Variants in EEFSEC observed in about 807,000 individuals in gnomAD.
EEFSEC encodes the protein eukaryotic elongation factor, selenocysteine-tRNA specific.
A neutral mutation model predicts 42.1 loss-of-function variants in EEFSEC; 43 were observed. The ratio of observed to expected loss-of-function variants is 1.02; its 90% CI spans 0.80 to 1.32. The LOEUF (loss-of-function observed/expected upper bound fraction) is 1.32. Ranked by LOEUF, EEFSEC falls within the 40% of genes most tolerant of loss-of-function variation. The pLI is 0.00. For missense variants in EEFSEC, 745 were observed against 803.6 expected (o/e 0.93, Z 0.88); for synonymous variants, 354 against 339.1 (o/e 1.04, Z -0.48).
At chr3:128,407,959 C>G in intron 6 of EEFSEC, 110 bp from the exon 7 acceptor site, 1 of 1,066,038 alleles carries the variant, frequency 9.4e-7, no homozygotes, top group Non-Finnish European at 1.3e-6. Context: ...GGCTGATTGG[C>G]TAGGGAGGGA....
At chr3:128,308,950 T>C (rs2066861243) in intron 4 of EEFSEC, among the ~76,000 whole-genome samples, 1 of 152,190 alleles carries the variant, frequency 6.6e-6, no homozygotes, top group Non-Finnish European at 1.5e-5. Context: ...GGTGTGTTTG[T>C]TTTGTTTTGT....
chr3:128,160,948 G>T (rs997871804), intron 1 of EEFSEC, among the ~76,000 whole-genome samples: 3 of 152,170 alleles, frequency 2.0e-5, no homozygotes, highest in Admixed American at 6.5e-5. Context: ...TTTAGTGCTT[G>T]TCTGTATGCT....
At chr3:128,201,265 A>G (rs547187686) in intron 1 of EEFSEC, among the ~76,000 whole-genome samples, 1 of 152,164 alleles carries the variant, frequency 6.6e-6, no homozygotes, top group African/African-American at 2.4e-5. Flanking sequence ...CATGCTCTCT[A>G]ATTGCTCTAC....
chr3:128,182,401 A>G (rs1337983570), intron 1 of EEFSEC, among the ~76,000 whole-genome samples: 1 of 152,114 alleles, frequency 6.6e-6, no homozygotes, highest in African/African-American at 2.4e-5. Context: ...ATATATGTAC[A>G]TGATAGAAAA....
At chr3:128,294,067 T>C (rs1398706923) in intron 4 of EEFSEC, among the ~76,000 whole-genome samples, 3 of 152,226 alleles carry the variant, frequency 2.0e-5, no homozygotes, top group Admixed American at 2.0e-4. Flanking sequence ...CCTTGGCCCC[T>C]CAGAGATCCA....
chr3:128,242,244 A>G (rs561654020), intron 1 of EEFSEC, among the ~76,000 whole-genome samples: 2 of 152,118 alleles, frequency 1.3e-5, no homozygotes, highest in African/African-American at 4.8e-5. Context: ...GTTTGAGCCC[A>G]GGAATTCAAG....
chr3:128,379,711 T>A (rs1456204088), intron 6 of EEFSEC, among the ~76,000 whole-genome samples: 5 of 152,144 alleles, frequency 3.3e-5, no homozygotes, highest in African/African-American at 1.2e-4. Context: ...GATCTGGGAA[T>A]GATTGAGAAG....
At chr3:128,348,281 T>TGTGTGTGTGC (rs2067340580) in intron 5 of EEFSEC, among the ~76,000 whole-genome samples, 21 of 150,960 alleles carry the variant, frequency 1.4e-4, no homozygotes, top group Middle Eastern at 6.8e-3. Flanking sequence ...CGTGTGCGTG[T>TGTGTGTGTGC]GTGTGTGTGT....
At chr3:128,193,611 A>G (rs973063951) in intron 1 of EEFSEC, among the ~76,000 whole-genome samples, 1 of 152,210 alleles carries the variant, frequency 6.6e-6, no homozygotes, top group African/African-American at 2.4e-5. Flanking sequence ...TGTAGCAGCC[A>G]CCATACCTAT....
chr3:128,348,709 T>C (rs1451195961), intron 5 of EEFSEC, among the ~76,000 whole-genome samples: 5 of 152,122 alleles, frequency 3.3e-5, no homozygotes, highest in Non-Finnish European at 5.9e-5. Flanking sequence ...ATTAGGTAAA[T>C]AGTAGGTCGG....
intron 6 of EEFSEC, among the ~76,000 whole-genome samples, chr3:128,399,112 A>AT (rs2068018495): frequency 6.6e-6 from 1 of 150,904 alleles, no homozygotes; most frequent in African/African-American, 2.5e-5. Flanking sequence ...ATAAAATAAA[A>AT]AAAAACCCTT....
intron 1 of EEFSEC, among the ~76,000 whole-genome samples, chr3:128,164,107 TA>T (rs2065221256): frequency 6.6e-6 from 1 of 152,178 alleles, no homozygotes; most frequent in African/African-American, 2.4e-5. Flanking sequence ...TTTGGGCTGG[TA>T]GGCCTTGTTT....
intron 4 of EEFSEC, among the ~76,000 whole-genome samples, chr3:128,325,921 G>C (rs2067058910): frequency 6.6e-6 from 1 of 152,198 alleles, no homozygotes; most frequent in South Asian, 2.1e-4. Context: ...CCTAAATAAG[G>C]TGAATATTTT....
chr3:128,358,127 C>T (rs1206855310), intron 5 of EEFSEC, 90 bp from the exon 6 acceptor site: 3 of 1,530,566 alleles, frequency 2.0e-6, no homozygotes, highest in East Asian at 2.3e-5. Flanking sequence ...ATGCCTAGGG[C>T]CCGGGAGAGC....
chr3:128,169,438 G>A (rs111864882), intron 1 of EEFSEC, among the ~76,000 whole-genome samples: 7 of 152,324 alleles, frequency 4.6e-5, no homozygotes, highest in African/African-American at 1.4e-4. Flanking sequence ...AAAGATAAGC[G>A]TGGCACATCC....
intron 1 of EEFSEC, among the ~76,000 whole-genome samples, chr3:128,171,417 T>A (rs2065295570): frequency 6.6e-6 from 1 of 152,174 alleles, no homozygotes; most frequent in African/African-American, 2.4e-5. Flanking sequence ...TTAAAAAGTG[T>A]TGCAAAAGCA....
intron 6 of EEFSEC, among the ~76,000 whole-genome samples, chr3:128,376,479 C>T (rs1490151305): frequency 6.6e-6 from 1 of 152,152 alleles, no homozygotes; most frequent in Non-Finnish European, 1.5e-5. Context: ...CAGAGGTGAG[C>T]TTCTCTAGGC....
chr3:128,341,707 A>G lies in EEFSEC; in HGVS notation c.1261A>G (p.Thr421Ala), dbSNP rs1435605163. The change falls in exon 5 of 7, where the codon ACC becomes GCC. Residue 421 changes from threonine (T) to alanine (A), a missense_variant. By Grantham distance (58) the Thr-to-Ala change is moderately conservative. Coordinates refer to ENST00000254730, the MANE Select transcript of EEFSEC (RefSeq NM_021937.5). ...WALVEFEKPV[T>A]CPRLCLVIGS... ...CCTGGTGGAGTTTGAGAAGCCCGTC[A>G]CCTGCCCTCGGCTGTGCCTGGTGAT... 1 of 1,614,110 alleles carries G rather than the reference A, an allele frequency of 6.2e-7. No individual in the cohort carries two copies. The highest frequency in any genetic ancestry group is 1.1e-5 in the South Asian group (1 of 91,084).
At chr3:128,309,644 A>T (rs2066869529) in intron 4 of EEFSEC, among the ~76,000 whole-genome samples, 2 of 152,346 alleles carry the variant, frequency 1.3e-5, no homozygotes, top group South Asian at 2.1e-4. Context: ...ATGCTGGCAG[A>T]GGGTGAAAGC....
Sources: allele counts gnomAD v4.1 joint callset (sites outside exome capture counted in the v4.1 genomes callset), GRCh38; gene constraint gnomAD v4.1.1; transcripts MANE v1.5; gene names NCBI Gene and HGNC (gene_info 2026-07-23, HGNC 2026-07-21).